The following MAML2 variants were observed in gnomAD, a reference collection of about 807,000 sequenced individuals.
The protein encoded by MAML2 is mastermind like transcriptional coactivator 2, also known as mastermind-like protein 2.
A neutral mutation model predicts 96.1 loss-of-function variants in MAML2; 22 were observed. The observed-to-expected ratio is 0.23, with a 90% CI of 0.16 to 0.33. MAML2 has a LOEUF of 0.33. MAML2 is among the 10% of genes least tolerant of loss of function. The probability of loss-of-function intolerance (pLI) is 1.00; values close to 1 mark genes in which losing one functional copy is unlikely to be tolerated. For synonymous variants in MAML2, 561 were observed against 521.3 expected (o/e 1.08, Z -1.04); for missense variants, 1,367 against 1,392.4 (o/e 0.98, Z 0.29).
intron 1 of MAML2, among the ~76,000 whole-genome samples, chr11:96,153,247 T>C (rs1341766556): frequency 2.0e-5 from 3 of 151,838 alleles, no homozygotes; most frequent in Non-Finnish European, 4.4e-5. Flanking sequence ...CTCCTACGCC[T>C]GTACCTTTCC....
At chr11:96,009,375 T>C (rs1858233389) in intron 2 of MAML2, among the ~76,000 whole-genome samples, 1 of 152,224 alleles carries the variant, frequency 6.6e-6, no homozygotes, top group South Asian at 2.1e-4. Context: ...TTGCTTTCTA[T>C]ACCAGGAAGG....
chr11:96,309,383 A>G (rs1290470782), intron 1 of MAML2, among the ~76,000 whole-genome samples: 1 of 152,332 alleles, frequency 6.6e-6, no homozygotes, highest in South Asian at 2.1e-4. Context: ...TGAGTAATTC[A>G]TTCTTACCTA....
chr11:96,077,943 C>T (rs1042963494), intron 2 of MAML2, among the ~76,000 whole-genome samples: 7 of 152,180 alleles, frequency 4.6e-5, no homozygotes, highest in African/African-American at 1.7e-4. Context: ...CTATAAAGAA[C>T]CCCTGGGAAT....
chr11:96,237,125 T>C (rs1862376416), intron 1 of MAML2, among the ~76,000 whole-genome samples: 1 of 152,188 alleles, frequency 6.6e-6, no homozygotes, highest in African/African-American at 2.4e-5. Flanking sequence ...TTAAGCTGAT[T>C]ATTGTAGCTA....
intron 1 of MAML2, among the ~76,000 whole-genome samples, chr11:96,155,578 A>G (rs1861000139): frequency 7.9e-6 from 1 of 127,380 alleles, no homozygotes; most frequent in Non-Finnish European, 1.6e-5. Flanking sequence ...TACCTAGAAC[A>G]CCCTGGTCCA....
chr11:96,280,630 C>A (rs1479214968), intron 1 of MAML2, among the ~76,000 whole-genome samples: 1 of 152,170 alleles, frequency 6.6e-6, no homozygotes, highest in East Asian at 1.9e-4. Context: ...TCGCACCCTC[C>A]CTAAGGTGAA....
chr11:96,291,493 AG>A (rs1190263112), intron 1 of MAML2, among the ~76,000 whole-genome samples: 1 of 152,132 alleles, frequency 6.6e-6, no homozygotes, highest in Non-Finnish European at 1.5e-5. Context: ...TTGGAGTTTT[AG>A]GAAAAGTAAC....
intron 1 of MAML2, among the ~76,000 whole-genome samples, chr11:96,225,189 G>A (rs961173745): frequency 6.6e-6 from 1 of 152,190 alleles, no homozygotes; most frequent in Non-Finnish European, 1.5e-5. Context: ...TAGAGGGGAA[G>A]GAAGTATGGT....
intron 1 of MAML2, among the ~76,000 whole-genome samples, chr11:96,121,096 G>A (rs181404777): frequency 6.6e-6 from 1 of 151,724 alleles, no homozygotes; most frequent in East Asian, 1.9e-4. Context: ...GGGGAGTGAA[G>A]GATACTTTGG....
chr11:96,294,887 G>T (rs1414421712), intron 1 of MAML2, among the ~76,000 whole-genome samples: 2 of 152,156 alleles, frequency 1.3e-5, no homozygotes, highest in Non-Finnish European at 2.9e-5. Flanking sequence ...GGGGACCCAG[G>T]CTGTCTGATT....
At chr11:96,154,196 C>T (rs965438590) in intron 1 of MAML2, among the ~76,000 whole-genome samples, 1 of 152,054 alleles carries the variant, frequency 6.6e-6, no homozygotes, top group Admixed American at 6.5e-5. Flanking sequence ...GGACCCTGCT[C>T]CCAGAAATCC....
At chr11:96,181,938 T>G (rs1861493050) in intron 1 of MAML2, among the ~76,000 whole-genome samples, 1 of 152,248 alleles carries the variant, frequency 6.6e-6, no homozygotes, top group South Asian at 2.1e-4. Flanking sequence ...TATTGTAAAT[T>G]TCCTAAACTC....
chr11:96,194,587 A>G (rs1213214650), intron 1 of MAML2, among the ~76,000 whole-genome samples: 1 of 152,230 alleles, frequency 6.6e-6, no homozygotes, highest in Non-Finnish European at 1.5e-5. Context: ...GGATGAGATA[A>G]AATCTAGAAA....
chr11:96,268,787 G>A lies in MAML2; in HGVS notation c.513+72596C>T, dbSNP rs543835968. Among the ~76,000 whole-genome samples, 19 of 108,326 alleles carry A rather than the reference G, an allele frequency of 1.8e-4. 4 individuals carry two copies. The highest frequency in any genetic ancestry group is 2.7e-4 in the South Asian group (1 of 3,648). The allele number at this position is 108,326 out of a possible 152,430, so 71.1% of individuals were successfully genotyped here. A position where few individuals can be genotyped will look rare whatever the true frequency, so the allele number is the denominator to read the frequency against. On this transcript the variant is annotated intron_variant, in intron 1 of 4. Coordinates refer to ENST00000524717, the MANE Select transcript of MAML2 (RefSeq NM_032427.4). ...CCCTGCACACGATCTGTTGTCTGCC[G>A]CCATGTAAGATGTGACTTTGCTCCT...
intron 1 of MAML2, among the ~76,000 whole-genome samples, chr11:96,133,620 T>C (rs746536385): frequency 6.6e-6 from 1 of 152,200 alleles, no homozygotes; most frequent in Non-Finnish European, 1.5e-5. Flanking sequence ...TTTATGTTTT[T>C]AAGAAACATA....
At chr11:96,077,043 G>C (rs1011820612) in intron 2 of MAML2, among the ~76,000 whole-genome samples, 1 of 152,070 alleles carries the variant, frequency 6.6e-6, no homozygotes, top group African/African-American at 2.4e-5. Context: ...ATATTTGTGA[G>C]AATGACTGAC....
chr11:96,333,619 T>A (rs969711878), intron 1 of MAML2, among the ~76,000 whole-genome samples: 1 of 152,182 alleles, frequency 6.6e-6, no homozygotes, highest in Non-Finnish European at 1.5e-5. Flanking sequence ...GAGAGCCACA[T>A]CAAGGCATGG....
At position 96,118,849 on chromosome 11, in the gene MAML2, CA is replaced by C. The variant is rs959999734; in HGVS notation, c.514-25333del. On this transcript the variant is annotated intron_variant, in intron 1 of 4. Transcript: ENST00000524717. Reference sequence around the variant, plus strand: ...CATAGTATTTCTACATAATCAAAGACAAAAAAAAATTCTTTTTTTTTCCTTT... The same window carrying C: ...CATAGTATTTCTACATAATCAAAGACAAAAAAAATTCTTTTTTTTTCCTTT... Among the ~76,000 whole-genome samples, 14 of 151,360 alleles carry C rather than the reference CA, an allele frequency of 9.2e-5. No individual in the cohort carries two copies. The East Asian group carries it at 1.2e-3, about 13-fold the overall frequency.
At chr11:96,200,158 T>A (rs1341256351) in intron 1 of MAML2, among the ~76,000 whole-genome samples, 1 of 152,216 alleles carries the variant, frequency 6.6e-6, no homozygotes, top group Non-Finnish European at 1.5e-5. Context: ...TCCGAACAGA[T>A]GAAAGATTAG....
Sources: gnomAD v4.1 joint callset for allele counts (sites outside exome capture counted in the v4.1 genomes callset) on GRCh38, gnomAD v4.1.1 for gene constraint, MANE v1.5 for transcripts, NCBI Gene and HGNC (gene_info 2026-07-23, HGNC 2026-07-21) for gene names.